The following CYB5R4 variants were observed in gnomAD, a reference collection of about 807,000 sequenced individuals.
CYB5R4 encodes the protein N-terminal cytochrome b5 and cytochrome b5 oxidoreductase domain-containing protein.
CYB5R4 carries 55 observed loss-of-function variants against 70.2 expected under a neutral mutation model. The observed-to-expected ratio is 0.78, with a 90% confidence interval of 0.63 to 0.98. The LOEUF is 0.98. Among genes scored for constraint, CYB5R4 ranks in the 50% least tolerant of loss-of-function variants. The probability of loss-of-function intolerance (pLI) is 0.00; values close to 1 mark genes in which losing one functional copy is unlikely to be tolerated. For synonymous variants in CYB5R4, 197 were observed against 199.5 expected (o/e 0.99, Z 0.11); for missense variants, 562 against 612.6 (o/e 0.92, Z 0.87).
chr6:83,933,392 G>A (rs1274925691), intron 10 of CYB5R4, among the ~76,000 whole-genome samples: 3 of 152,138 alleles, frequency 2.0e-5, no homozygotes, highest in African/African-American at 7.2e-5. Context: ...ATTCATTTGT[G>A]ACTAAAATGA....
At chr6:83,914,098 C>T (rs555195420) in intron 4 of CYB5R4, among the ~76,000 whole-genome samples, 35 of 152,090 alleles carry the variant, frequency 2.3e-4, no homozygotes, top group Admixed American at 6.5e-4. Context: ...TATGATAACA[C>T]GGATGAAACT....
At chr6:83,914,346 A>C in intron 4 of CYB5R4, 70 bp from the exon 5 acceptor site, 2 of 1,441,246 alleles carry the variant, frequency 1.4e-6, no homozygotes, top group Non-Finnish European at 1.9e-6. Context: ...TGAAATCAGT[A>C]ATGTGGACTG....
At chr6:83,954,241 C>T (rs140283379) in intron 14 of CYB5R4, among the ~76,000 whole-genome samples, 5 of 152,216 alleles carry the variant, frequency 3.3e-5, no homozygotes, top group Non-Finnish European at 5.9e-5. Context: ...CTTGGGAATG[C>T]TCCTGTTCCA....
chr6:83,953,408 AT>A (rs1225494712), intron 14 of CYB5R4, among the ~76,000 whole-genome samples: 1 of 151,462 alleles, frequency 6.6e-6, no homozygotes, highest in Non-Finnish European at 1.5e-5. Flanking sequence ...GTTTTGTGAG[AT>A]TTTTTTCCTT....
intron 10 of CYB5R4, among the ~76,000 whole-genome samples, chr6:83,928,679 A>G (rs1016698957): frequency 3.9e-5 from 6 of 152,240 alleles, no homozygotes; most frequent in African/African-American, 7.2e-5. Context: ...TTTTTTGGTC[A>G]TAGAGAAATG....
intron 2 of CYB5R4, among the ~76,000 whole-genome samples, chr6:83,872,395 G>A (rs2099457777): frequency 6.6e-6 from 1 of 152,192 alleles, no homozygotes; most frequent in South Asian, 2.1e-4. Flanking sequence ...TGAGGGTACT[G>A]AAGCTTAGAG....
At chr6:83,909,999 G>A in intron 4 of CYB5R4, 1 of 1,597,178 alleles carries the variant, frequency 6.3e-7, no homozygotes, top group Non-Finnish European at 8.5e-7. Flanking sequence ...TATTAAAAAT[G>A]ATGGTATTAG....
At chr6:83,877,346 A>G (rs1230096240) in intron 2 of CYB5R4, among the ~76,000 whole-genome samples, 2 of 152,032 alleles carry the variant, frequency 1.3e-5, no homozygotes, top group Non-Finnish European at 2.9e-5. Context: ...TTCCCATAGT[A>G]TGTGTCTTAG....
chr6:83,933,891 T>TA (rs1474855883), intron 10 of CYB5R4, among the ~76,000 whole-genome samples: 1 of 152,226 alleles, frequency 6.6e-6, no homozygotes, highest in Admixed American at 6.5e-5. Context: ...TACCAAAACC[T>TA]ACACCTTTAA....
intron 2 of CYB5R4, among the ~76,000 whole-genome samples, chr6:83,882,711 G>T (rs1000385925): frequency 3.3e-5 from 5 of 152,136 alleles, no homozygotes; most frequent in Admixed American, 3.3e-4. Flanking sequence ...ATACAGGCCC[G>T]GCGTGGTGGC....
intron 14 of CYB5R4, among the ~76,000 whole-genome samples, chr6:83,949,713 G>A (rs774792500): frequency 1.1e-4 from 16 of 152,130 alleles, no homozygotes; most frequent in African/African-American, 9.7e-5. Flanking sequence ...ATGCTTGTCC[G>A]CAGAGTTTAT....
intron 14 of CYB5R4, among the ~76,000 whole-genome samples, chr6:83,945,598 A>T (rs2099470452): frequency 6.6e-6 from 1 of 152,196 alleles, no homozygotes; most frequent in Admixed American, 6.5e-5. Flanking sequence ...AGATAGAGAC[A>T]TGAAAAACCC....
chr6:83,877,605 G>A (rs1363456394), intron 2 of CYB5R4, among the ~76,000 whole-genome samples: 1 of 152,070 alleles, frequency 6.6e-6, no homozygotes, highest in Non-Finnish European at 1.5e-5. Flanking sequence ...GGCTTTCACA[G>A]AAACTAATAG....
intron 2 of CYB5R4, among the ~76,000 whole-genome samples, chr6:83,869,404 A>G (rs1237355417): frequency 6.6e-6 from 1 of 152,226 alleles, no homozygotes; most frequent in Admixed American, 6.5e-5. Flanking sequence ...CAGTACTCAC[A>G]GTGTCTGTTA....
At chr6:83,948,648 A>G (rs2099471035) in intron 14 of CYB5R4, among the ~76,000 whole-genome samples, 1 of 152,168 alleles carries the variant, frequency 6.6e-6, no homozygotes, top group African/African-American at 2.4e-5. Flanking sequence ...TTATTTTTTT[A>G]GGAATAGACA....
intron 4 of CYB5R4, chr6:83,910,311 A>G: frequency 1.6e-6 from 1 of 614,660 alleles, no homozygotes; most frequent in Non-Finnish European, 2.8e-6. Flanking sequence ...ACAAAGCACA[A>G]GCTCAGAGAC....
chr6:83,943,596 A>G (rs1429598014), intron 14 of CYB5R4, among the ~76,000 whole-genome samples: 8 of 152,122 alleles, frequency 5.3e-5, no homozygotes, highest in Non-Finnish European at 1.2e-4. Context: ...GCAAGGGAAC[A>G]TAACTGGATG....
intron 12 of CYB5R4, among the ~76,000 whole-genome samples, chr6:83,937,035 G>A (rs927273787): frequency 6.6e-6 from 1 of 152,202 alleles, no homozygotes; most frequent in African/African-American, 2.4e-5. Flanking sequence ...AGCACTTTGG[G>A]AGGCTGAGGT....
At chr6:83,921,791 T>C (rs2099466419) in intron 8 of CYB5R4, among the ~76,000 whole-genome samples, 1 of 152,214 alleles carries the variant, frequency 6.6e-6, no homozygotes, top group South Asian at 2.1e-4. Context: ...ACTGAAATCA[T>C]ACAAAATTGT....
Sources: allele counts gnomAD v4.1 joint callset (sites outside exome capture counted in the v4.1 genomes callset), GRCh38; gene constraint gnomAD v4.1.1; transcripts MANE v1.5; gene names NCBI Gene and HGNC (gene_info 2026-07-23, HGNC 2026-07-21).